SUN5: variants seen among roughly 807,000 people sequenced by gnomAD.
SUN5 encodes the protein Sad1 and UNC84 domain containing 5.
A neutral mutation model predicts 53.7 loss-of-function variants in SUN5; 44 were observed. The observed-to-expected ratio is 0.82, with a 90% CI of 0.64 to 1.05. SUN5 has a LOEUF of 1.05. Among genes scored for constraint, SUN5 ranks in the 50% least tolerant of loss-of-function variants. The pLI, the probability that SUN5 is intolerant of heterozygous loss-of-function variation, is 0.00. For missense variants in SUN5, 433 were observed against 483.8 expected (o/e 0.90, Z 0.98); for synonymous variants, 166 against 179.8 (o/e 0.92, Z 0.62).
chr20:32,992,550 G>C (rs62207488), intron 8 of SUN5, among the ~76,000 whole-genome samples: 1 of 151,234 alleles, frequency 6.6e-6, no homozygotes, highest in Non-Finnish European at 1.5e-5. Context: ...ACAGGTGAAG[G>C]TTTCTTAAAT....
At chr20:33,004,153 T>G in intron 1 of SUN5, 111 bp downstream of exon 1, 1 of 1,138,930 alleles carries the variant, frequency 8.8e-7, no homozygotes, top group Non-Finnish European at 1.2e-6. Flanking sequence ...TCTTGGTGGC[T>G]GTCTCTGTAC....
rs1989846430 is a variant in SUN5, at chr20:32,996,326, C to T, written c.423G>A (p.Leu141=). Residue 141 remains leucine, a splice_region_variant and synonymous_variant, in exon 7 of 13, where the codon TTG becomes TTA. Transcript: ENST00000356173. ...DDSINGPLQS[L]RLYQEKVRHH... is the part of the protein sequence containing the mutation. ...GTTACCCAGAAGATTCCTCTTACCT[C>T]AAGCTCTGCAGTGGACCATTTATGC... 1.2e-6 allele frequency: 2 copies of T among 1,613,468 alleles called. No individual in the cohort carries two copies. Among genetic ancestry groups the T allele is most frequent in the Non-Finnish European group, 1.7e-6 (2 of 1,179,546 alleles).
At chr20:32,994,879 G>A (rs12626110) in intron 8 of SUN5, among the ~76,000 whole-genome samples, 3,020 of 151,146 alleles carry the variant, frequency 0.02, 86 homozygotes, top group East Asian at 0.1. Context: ...AAAACAAAAA[G>A]AACTAAATGC....
At chr20:32,990,157 C>T (rs1425798717) in intron 8 of SUN5, among the ~76,000 whole-genome samples, 1 of 152,176 alleles carries the variant, frequency 6.6e-6, no homozygotes, top group Non-Finnish European at 1.5e-5. Flanking sequence ...CCCAGCACCC[C>T]TAAGAAGTAT....
intron 8 of SUN5, among the ~76,000 whole-genome samples, chr20:32,992,087 C>G (rs1381069224): frequency 6.6e-6 from 1 of 152,174 alleles, no homozygotes; most frequent in Non-Finnish European, 1.5e-5. Flanking sequence ...TTTTTCCAGT[C>G]TGCAAAAAGG....
At chr20:33,002,258 T>C (rs996863850) in intron 3 of SUN5, among the ~76,000 whole-genome samples, 6 of 152,146 alleles carry the variant, frequency 3.9e-5, no homozygotes, top group Non-Finnish European at 8.8e-5. Context: ...TGGGTGGATG[T>C]ACCTATGAAA....
rs754192712 is a variant in SUN5 at position 32,993,946 on chromosome 20, G to A, written c.534+1673C>T. On this transcript the variant is annotated intron_variant, in intron 8 of 12. Transcript: ENST00000356173. ...TGCTTCAGCTGCACTTCACCTGGGG[G>A]CACTAAATCAATCCTGGGCACAATT... Among the ~76,000 whole-genome samples the A allele has an allele frequency of 4.0e-4, 61 of 152,196 alleles. 1 individual carries two copies. Among genetic ancestry groups the A allele is most frequent in the Non-Finnish European group, 3.1e-4 (21 of 68,030 alleles).
At position 32,983,893 on chromosome 20, in the gene SUN5, C is replaced by T. The variant is rs868229304; in HGVS notation, c.1041G>A (p.Gly347=). The change falls in exon 13 of 13, where the codon GGG becomes GGA. Residue 347 remains glycine, a synonymous_variant. Coordinates refer to ENST00000356173, the MANE Select transcript of SUN5 (RefSeq NM_080675.4). ...GGTACAGGCAAGTGAAGCCTGGGTTCCCCCAGTTGCTTGAGATCTTCACCT... is the reference window on the plus strand; with the variant it reads ...GGTACAGGCAAGTGAAGCCTGGGTTTCCCCAGTTGCTTGAGATCTTCACCT... The part of the protein sequence containing the change: ...AVKVKISSNW[G]NPGFTCLYRV... The T allele has an allele frequency of 1.3e-6, 2 of 1,598,720 alleles. No individual in the cohort carries two copies. The highest frequency in any genetic ancestry group is 1.7e-6 in the Non-Finnish European group (2 of 1,172,524).
chr20:32,997,631 C>T lies in SUN5; in HGVS notation c.390+7G>A. 3 of 1,613,908 alleles carry T rather than the reference C, an allele frequency of 1.9e-6. No homozygotes were observed. The highest frequency in any genetic ancestry group is 2.5e-6 in the Non-Finnish European group (3 of 1,179,926). On this transcript the variant is annotated splice_region_variant and intron_variant, in intron 6 of 12. Transcript: ENST00000356173. The stretch of plus-strand genomic sequence containing the variant: ...AGCTGTGGGGCCTGAGGAGGGTGCA[C>T]ACTCACCTGCCAGACTTTCATTTTC...
At chr20:33,002,524 G>T in intron 3 of SUN5, 63 bp downstream of exon 3, 1 of 1,567,516 alleles carries the variant, frequency 6.4e-7, no homozygotes, top group Non-Finnish European at 8.8e-7. Context: ...AGCCTGGGCC[G>T]AGGCTGGACC....
intron 3 of SUN5, among the ~76,000 whole-genome samples, chr20:33,001,806 C>T (rs939831005): frequency 1.3e-5 from 2 of 151,834 alleles, no homozygotes; most frequent in African/African-American, 4.8e-5. Flanking sequence ...GTAGCTGGGA[C>T]TACAAGTGCG....
At chr20:32,984,449 C>T (rs537217533) in intron 12 of SUN5, among the ~76,000 whole-genome samples, 1 of 152,322 alleles carries the variant, frequency 6.6e-6, no homozygotes, top group East Asian at 1.9e-4. Context: ...GTGTTTATTA[C>T]TCTCCCTATC....
Position 33,004,394 on chromosome 20 carries a change from G to A in SUN5, c.-54C>T. On this transcript the variant is annotated 5_prime_UTR_variant, in exon 1 of 13. Coordinates refer to ENST00000356173, the MANE Select transcript of SUN5 (RefSeq NM_080675.4). Reference sequence around the variant, plus strand: ...AGATGGGAACTCTGGGAGCTGGTGAGGAGGAAGGGGCTGATGCCTCTGAAT... The same window carrying A: ...AGATGGGAACTCTGGGAGCTGGTGAAGAGGAAGGGGCTGATGCCTCTGAAT... 2.0e-6 allele frequency: 3 copies of A among 1,512,318 alleles called. No homozygotes were observed. Among genetic ancestry groups the A allele is most frequent in the Admixed American group, 2.2e-5 (1 of 45,468 alleles). The allele number at this position is 1,512,318 out of a possible 1,614,324, so 93.7% of individuals were successfully genotyped here.
chr20:32,991,349 C>T (rs542583577), intron 8 of SUN5, among the ~76,000 whole-genome samples: 9 of 152,288 alleles, frequency 5.9e-5, no homozygotes, highest in African/African-American at 1.9e-4. Flanking sequence ...GGAGCACTCA[C>T]CATAGGACAG....
intron 8 of SUN5, among the ~76,000 whole-genome samples, chr20:32,993,998 T>C (rs551382209): frequency 5.9e-5 from 9 of 152,218 alleles, no homozygotes; most frequent in African/African-American, 9.6e-5. Flanking sequence ...AGTTTGCTCC[T>C]GGCGGAGAAG....
intron 9 of SUN5, among the ~76,000 whole-genome samples, chr20:32,988,389 A>C (rs1286441584): frequency 6.6e-6 from 1 of 152,076 alleles, no homozygotes; most frequent in Non-Finnish European, 1.5e-5. Flanking sequence ...CCTGCGGCCC[A>C]TACTTTGCCT....
intron 8 of SUN5, among the ~76,000 whole-genome samples, chr20:32,990,975 A>T (rs1180626762): frequency 6.6e-6 from 1 of 152,204 alleles, no homozygotes; most frequent in Non-Finnish European, 1.5e-5. Flanking sequence ...TGTCTTGTTG[A>T]TGTGCAAACT....
chr20:32,985,291 C>G, intron 11 of SUN5, 106 bp from the exon 12 acceptor site: 1 of 1,005,372 alleles, frequency 9.9e-7, no homozygotes, highest in Non-Finnish European at 1.5e-6. Context: ...TGGGAGCTCA[C>G]TACCTCTTTG....
chr20:32,988,311 G>A (rs1019284447), intron 9 of SUN5, among the ~76,000 whole-genome samples: 2 of 152,138 alleles, frequency 1.3e-5, no homozygotes, highest in Admixed American at 6.5e-5. Flanking sequence ...ATCTGACCCC[G>A]CGTCTCACTG....
Sources: gnomAD v4.1 joint callset for allele counts (sites outside exome capture counted in the v4.1 genomes callset) on GRCh38, gnomAD v4.1.1 for gene constraint, MANE v1.5 for transcripts, NCBI Gene and HGNC (gene_info 2026-07-23, HGNC 2026-07-21) for gene names.